The following MPDZ variants were observed in gnomAD, a reference collection of about 807,000 sequenced individuals.
MPDZ encodes the protein multiple PDZ domain protein.
A neutral mutation model predicts 239.1 loss-of-function variants in MPDZ; 234 were observed. The ratio of observed to expected loss-of-function variants is 0.98; its 90% CI spans 0.88 to 1.09. The LOEUF (loss-of-function observed/expected upper bound fraction) is 1.09, where lower values mean the gene tolerates loss of function less well. MPDZ is among the 50% of genes least tolerant of loss of function. MPDZ has a pLI of 0.00. For missense variants in MPDZ, 3,175 were observed against 2,510.0 expected, an observed-to-expected ratio of 1.26 and a Z score of -5.66; for synonymous variants, 1,048 against 881.3, an observed-to-expected ratio of 1.19 and a Z score of -3.35.
chr9:13,202,538 T>C (rs1956508610), intron 12 of MPDZ, among the ~76,000 whole-genome samples: 1 of 152,188 alleles, frequency 6.6e-6, no homozygotes, highest in African/African-American at 2.4e-5. Flanking sequence ...CCAAGATACA[T>C]GCCAGTCACT....
At chr9:13,111,766 A>G (rs544054823) in intron 43 of MPDZ, among the ~76,000 whole-genome samples, 19 of 152,318 alleles carry the variant, frequency 1.2e-4, no homozygotes, top group African/African-American at 4.3e-4. Context: ...AGCTTGTTCC[A>G]CAGAATTTCA....
chr9:13,157,568 C>A (rs745690554), intron 24 of MPDZ, among the ~76,000 whole-genome samples: 1 of 151,988 alleles, frequency 6.6e-6, no homozygotes, highest in African/African-American at 2.4e-5. Flanking sequence ...TGGTGCTAGA[C>A]AGATTATGAC....
At chr9:13,273,914 T>G (rs907564787) in intron 1 of MPDZ, among the ~76,000 whole-genome samples, 3 of 152,214 alleles carry the variant, frequency 2.0e-5, no homozygotes, top group Non-Finnish European at 2.9e-5. Flanking sequence ...AAACAAATGC[T>G]ATTAGTATCA....
chr9:13,199,066 T>G (rs960521754), intron 12 of MPDZ, among the ~76,000 whole-genome samples: 1 of 151,932 alleles, frequency 6.6e-6, no homozygotes, highest in Non-Finnish European at 1.5e-5. Flanking sequence ...GGTATATTCA[T>G]AGGTATGGCA....
chr9:13,270,288 G>A (rs1038293133), intron 1 of MPDZ, among the ~76,000 whole-genome samples: 1 of 152,140 alleles, frequency 6.6e-6, no homozygotes, highest in Non-Finnish European at 1.5e-5. Flanking sequence ...GTGATCAGAA[G>A]GTACAGACAA....
intron 25 of MPDZ, among the ~76,000 whole-genome samples, chr9:13,148,549 G>T (rs534230859): frequency 6.6e-6 from 1 of 151,966 alleles, no homozygotes; most frequent in East Asian, 1.9e-4. Context: ...CCTCCCTCAG[G>T]TTGATACTTA....
At chr9:13,218,512 A>T (rs1002370724) in intron 8 of MPDZ, among the ~76,000 whole-genome samples, 47 of 152,038 alleles carry the variant, frequency 3.1e-4, no homozygotes, top group African/African-American at 1.1e-3. Flanking sequence ...TGCCATTTAA[A>T]CACTTTCATA....
chr9:13,256,748 G>T (rs542000971), intron 1 of MPDZ, among the ~76,000 whole-genome samples: 3 of 152,036 alleles, frequency 2.0e-5, no homozygotes, highest in African/African-American at 4.8e-5. Flanking sequence ...CACTGTAACA[G>T]ACATAATAAT....
chr9:13,130,791 C>G (rs1264020253), intron 32 of MPDZ, among the ~76,000 whole-genome samples: 3 of 152,138 alleles, frequency 2.0e-5, no homozygotes, highest in Non-Finnish European at 4.4e-5. Context: ...TTCTCAAAAC[C>G]TTCTCCATGA....
At chr9:13,114,341 A>C (rs1943014223) in intron 40 of MPDZ, among the ~76,000 whole-genome samples, 1 of 152,204 alleles carries the variant, frequency 6.6e-6, no homozygotes, top group Non-Finnish European at 1.5e-5. Context: ...ACTAGGACTT[A>C]AACAAAAACT....
intron 19 of MPDZ, 36 bp downstream of exon 19, chr9:13,183,382 T>C (rs968466377): frequency 6.4e-7 from 1 of 1,558,710 alleles, no homozygotes; most frequent in East Asian, 2.3e-5. Flanking sequence ...CACACAAGAC[T>C]TTCCTATAAA....
At chr9:13,171,381 G>C (rs1010920493) in intron 21 of MPDZ, among the ~76,000 whole-genome samples, 13 of 152,136 alleles carry the variant, frequency 8.5e-5, no homozygotes, top group African/African-American at 3.1e-4. Flanking sequence ...AGTACTGAAT[G>C]TATTGTACGG....
intron 19 of MPDZ, among the ~76,000 whole-genome samples, chr9:13,183,063 C>T (rs1309634723): frequency 6.6e-6 from 1 of 152,024 alleles, no homozygotes; most frequent in Non-Finnish European, 1.5e-5. Flanking sequence ...AGTTTTAAAA[C>T]CATTAAGAAA....
At chr9:13,277,316 A>G (rs779311699) in intron 1 of MPDZ, among the ~76,000 whole-genome samples, 50 of 151,478 alleles carry the variant, frequency 3.3e-4, no homozygotes, top group South Asian at 1.7e-3. Flanking sequence ...GGATCAAAGG[A>G]AAAAAAAAGG....
rs745366840 is a variant in MPDZ, at chr9:13,216,838, C to T, written c.1226G>A (p.Ser409Asn). ...CTCAACGGCACTGCTTTTTGTAATGCTCTTTACAAAGATTCCTGAAGGTTC... is the reference window on the plus strand; with the variant it reads ...CTCAACGGCACTGCTTTTTGTAATGTTCTTTACAAAGATTCCTGAAGGTTC... ...KLEPSGIFVKSITKSSAVEHD... is the reference protein window; with the variant it reads ...KLEPSGIFVKNITKSSAVEHD... The change falls in exon 10 of 47, where the codon AGC becomes AAC. Residue 409 changes from serine (S) to asparagine (N), a missense_variant. Physicochemically the swap from Ser to Asn is conservative, Grantham distance 46. Transcript: ENST00000319217. 2 of 1,609,650 alleles carry T rather than the reference C, an allele frequency of 1.2e-6. No homozygotes were observed. Among genetic ancestry groups the T allele is most frequent in the South Asian group, 1.1e-5 (1 of 90,814 alleles).
intron 24 of MPDZ, among the ~76,000 whole-genome samples, chr9:13,156,852 C>A (rs1949884909): frequency 6.6e-6 from 1 of 152,090 alleles, no homozygotes; most frequent in African/African-American, 2.4e-5. Flanking sequence ...AAATAAGACA[C>A]TTAACACCTC....
At position 13,110,876 on chromosome 9, in the gene MPDZ, G is replaced by T; in HGVS notation, c.5725-136C>A. On this transcript the variant is annotated intron_variant, in intron 43 of 46. Coordinates refer to ENST00000319217, the MANE Select transcript of MPDZ (RefSeq NM_001378778.1). ...TACCAGCCACTGAAATATAACCAAG[G>T]AAACCACTAATTCCAAGAAGTCCAA... 3.6e-6 allele frequency: 2 copies of T among 550,834 alleles called. 1 individual carries two copies. Among genetic ancestry groups the T allele is most frequent in the South Asian group, 6.7e-5 (2 of 29,670 alleles). 34.1% of individuals were successfully genotyped at this position (550,834 alleles called of 1,614,324 possible). A position where few individuals can be genotyped will look rare whatever the true frequency, so the allele number is the denominator to read the frequency against.
rs369870878 is a variant in MPDZ, at chr9:13,246,552, TTAAA to T, written c.183+1079_183+1082del. On this transcript the variant is annotated intron_variant, in intron 3 of 46. Coordinates refer to ENST00000319217, the MANE Select transcript of MPDZ (RefSeq NM_001378778.1). Reference sequence around the variant, plus strand: ...TTCATGATCACGACTTTTAAAACCATTAAATAGACATTTACTATAGAAAGGTATT... The same window carrying T: ...TTCATGATCACGACTTTTAAAACCATTAGACATTTACTATAGAAAGGTATT... 2.6e-3 allele frequency among the ~76,000 whole-genome samples: 399 copies of T among 152,360 alleles called. 3 individuals carry two copies. Among genetic ancestry groups the T allele is most frequent in the African/African-American group, 9.3e-3 (387 of 41,592 alleles).
At chr9:13,165,670 T>C (rs892849636) in intron 22 of MPDZ, among the ~76,000 whole-genome samples, 1 of 152,134 alleles carries the variant, frequency 6.6e-6, no homozygotes, top group African/African-American at 2.4e-5. Flanking sequence ...CAGGAATTCA[T>C]CCCACACTTT....
Sources: allele counts gnomAD v4.1 joint callset (sites outside exome capture counted in the v4.1 genomes callset), GRCh38; gene constraint gnomAD v4.1.1; transcripts MANE v1.5; gene names NCBI Gene and HGNC (gene_info 2026-07-23, HGNC 2026-07-21).